The following ROCK1 variants were observed in gnomAD, a reference collection of about 807,000 sequenced individuals.
ROCK1 encodes the protein rho-associated protein kinase 1.
A neutral mutation model predicts 196.8 loss-of-function variants in ROCK1; 36 were observed. That is an observed-to-expected ratio of 0.18 (90% confidence interval 0.14 to 0.24). The LOEUF (loss-of-function observed/expected upper bound fraction) is 0.24. Ranked by LOEUF, ROCK1 falls within the 10% of genes least tolerant of loss-of-function variation. ROCK1 has a pLI of 1.00. For synonymous variants in ROCK1, 443 were observed against 515.9 expected, an observed-to-expected ratio of 0.86 and a Z score of 1.91; for missense variants, 920 against 1,562.0, an observed-to-expected ratio of 0.59 and a Z score of 6.93.
At chr18:20,991,574 G>A (rs1470594227) in intron 17 of ROCK1, among the ~76,000 whole-genome samples, 3 of 152,012 alleles carry the variant, frequency 2.0e-5, no homozygotes, top group South Asian at 2.1e-4. Flanking sequence ...TGCTAAGATC[G>A]GAAATGAATA....
intron 16 of ROCK1, among the ~76,000 whole-genome samples, chr18:20,996,970 A>C (rs1299379307): frequency 1.3e-5 from 2 of 152,228 alleles, no homozygotes; most frequent in Admixed American, 1.3e-4. Context: ...AAAAATAAGC[A>C]GCAAGAAATT....
chr18:21,082,728 CAAT>C (rs1194542824), intron 1 of ROCK1, among the ~76,000 whole-genome samples: 2 of 152,184 alleles, frequency 1.3e-5, no homozygotes, highest in Non-Finnish European at 2.9e-5. Context: ...ACATCATACT[CAAT>C]GATGAAAGAC....
Position 21,044,112 on chromosome 18 carries a change from T to C in ROCK1, c.665A>G (p.Lys222Arg). Residue 222 changes from lysine (K) to arginine (R), a missense_variant, in exon 6 of 33, where the codon AAG becomes AGG. Transcript: ENST00000399799. ...ATCTAGTTAATTAACCTTATTCATCTTCATACAAGTACCAAAATCTGCTAA... is the reference window on the plus strand; with the variant it reads ...ATCTAGTTAATTAACCTTATTCATCCTCATACAAGTACCAAAATCTGCTAA... ...LKLADFGTCM[K>R]MNKEGMVRCD... 1 of 1,601,760 alleles carries C rather than the reference T, an allele frequency of 6.2e-7. No individual in the cohort carries two copies. Among genetic ancestry groups the C allele is most frequent in the Non-Finnish European group, 8.5e-7 (1 of 1,170,858 alleles).
chr18:21,053,879 T>TGTAC (rs2036225247), intron 2 of ROCK1, among the ~76,000 whole-genome samples: 1 of 152,190 alleles, frequency 6.6e-6, no homozygotes, highest in Non-Finnish European at 1.5e-5. Context: ...TCTTCTTGCT[T>TGTAC]TGACACATGC....
intron 2 of ROCK1, among the ~76,000 whole-genome samples, chr18:21,056,434 T>A (rs2036245640): frequency 6.6e-6 from 1 of 152,186 alleles, no homozygotes; most frequent in South Asian, 2.1e-4. Context: ...CCTTTTTTTC[T>A]TACACTCCAC....
intron 10 of ROCK1, 56 bp from the exon 11 acceptor site, chr18:21,023,736 A>C: frequency 1.1e-6 from 1 of 913,748 alleles, no homozygotes; most frequent in Non-Finnish European, 1.7e-6. Flanking sequence ...GTAATATCCC[A>C]TGACAACCAA....
At chr18:21,057,290 A>G (rs2036252213) in intron 2 of ROCK1, among the ~76,000 whole-genome samples, 1 of 152,210 alleles carries the variant, frequency 6.6e-6, no homozygotes, top group Admixed American at 6.5e-5. Flanking sequence ...AAGAAATAAA[A>G]TGAGCAAATT....
intron 1 of ROCK1, among the ~76,000 whole-genome samples, chr18:21,079,250 T>C (rs1408296479): frequency 6.6e-6 from 1 of 152,178 alleles, no homozygotes; most frequent in African/African-American, 2.4e-5. Context: ...CACCTCTTCC[T>C]CACCTTCCTT....
intron 16 of ROCK1, 79 bp from the exon 17 acceptor site, chr18:20,993,016 A>G (rs1417882162): frequency 1.2e-6 from 1 of 847,290 alleles, no homozygotes; most frequent in East Asian, 2.6e-5. Flanking sequence ...TTAGTTTTTA[A>G]AAAATGTTTT....
intron 12 of ROCK1, among the ~76,000 whole-genome samples, chr18:21,017,158 C>T (rs1277660480): frequency 6.8e-6 from 1 of 147,010 alleles, no homozygotes; most frequent in African/African-American, 2.5e-5. Flanking sequence ...TAATTTTATT[C>T]TCTCCCCAAT....
chr18:21,040,465 T>C (rs1386762634), intron 8 of ROCK1, among the ~76,000 whole-genome samples: 1 of 152,212 alleles, frequency 6.6e-6, no homozygotes, highest in Admixed American at 6.5e-5. Context: ...TTTTTAAAAA[T>C]GTGATTTTAG....
chr18:21,031,766 A>T (rs1477872312), intron 9 of ROCK1, among the ~76,000 whole-genome samples: 1 of 152,112 alleles, frequency 6.6e-6, no homozygotes, highest in Non-Finnish European at 1.5e-5. Context: ...AACAAAGAAA[A>T]AATATCATGA....
chr18:20,989,498 T>C (rs909894252), intron 18 of ROCK1, among the ~76,000 whole-genome samples: 2 of 152,230 alleles, frequency 1.3e-5, no homozygotes, highest in African/African-American at 2.4e-5. Context: ...GAAGTTTGGA[T>C]ATTTTTTAAT....
intron 2 of ROCK1, among the ~76,000 whole-genome samples, chr18:21,051,592 G>A (rs2036204424): frequency 6.6e-6 from 1 of 152,318 alleles, no homozygotes; most frequent in Admixed American, 6.5e-5. Context: ...AGAGCCCCAG[G>A]TAAGTTCAGG....
Position 20,987,119 on chromosome 18 carries a change from G to C in ROCK1, c.2144-9C>G. On this transcript the variant is annotated splice_polypyrimidine_tract_variant and intron_variant, in intron 18 of 32. Transcript: ENST00000399799. ...CAGCTTTTTTTCCATCTCTGGGAAA[G>C]CAAAAAGTTACAAACATACATTTAA... is the stretch of plus-strand genomic sequence containing the variant. 6.2e-7 allele frequency: 1 copy of C among 1,608,360 alleles called. No individual in the cohort carries two copies. Among genetic ancestry groups the C allele is most frequent in the Non-Finnish European group, 8.5e-7 (1 of 1,178,584 alleles).
In ROCK1 at chr18:21,110,176, GAC is replaced by G. The variant is rs372796321; in HGVS notation, c.93+640_93+641del. Among the ~76,000 whole-genome samples, 9 of 152,202 alleles carry G rather than the reference GAC, an allele frequency of 5.9e-5. No individual in the cohort carries two copies. In the Middle Eastern group the frequency reaches 0.01, roughly 173 times the overall value. On this transcript the variant is annotated intron_variant, in intron 1 of 32. Coordinates refer to ENST00000399799, the MANE Select transcript of ROCK1 (RefSeq NM_005406.3). ...ATGTTAAGTGCCACACCACCAAAAAGACAGTTACAATAACTGTATGGTACGTA... is the reference window on the plus strand; with the variant it reads ...ATGTTAAGTGCCACACCACCAAAAAGAGTTACAATAACTGTATGGTACGTA...
chr18:21,043,725 T>TA (rs548171847), intron 6 of ROCK1, among the ~76,000 whole-genome samples: 108 of 151,862 alleles, frequency 7.1e-4, no homozygotes, highest in African/African-American at 2.5e-3. Flanking sequence ...AGTAAAACAC[T>TA]AAAAAATACA....
At position 21,006,421 on chromosome 18, in the gene ROCK1, C is replaced by G. The variant is rs2035769384; in HGVS notation, c.1815G>C (p.Gln605His). Residue 605 changes from glutamine (Q) to histidine (H), a missense_variant, in exon 16 of 33, where the codon CAG (glutamine) becomes CAC (histidine). Transcript: ENST00000399799. ...SKSQTDKDYY[Q>H]LQAILEAERR... Reference sequence around the variant, plus strand: ...GTTCAGCTTCTAATATAGCTTGCAGCTGGTAATAATCTTTGTCTGTTTGTG... The same window carrying G: ...GTTCAGCTTCTAATATAGCTTGCAGGTGGTAATAATCTTTGTCTGTTTGTG... 8.1e-6 allele frequency: 13 copies of G among 1,613,592 alleles called. No individual in the cohort carries two copies. In the East Asian group the frequency reaches 2.9e-4, roughly 36 times the overall value.
At chr18:20,955,547 T>C in intron 29 of ROCK1, 1 of 230,496 alleles carries the variant, frequency 4.3e-6, no homozygotes, top group Non-Finnish European at 8.5e-6. Flanking sequence ...GGCAATTTCT[T>C]AGAAAACTAA....
Sources: gnomAD v4.1 joint callset for allele counts (sites outside exome capture counted in the v4.1 genomes callset) on GRCh38, gnomAD v4.1.1 for gene constraint, MANE v1.5 for transcripts, NCBI Gene and HGNC (gene_info 2026-07-23, HGNC 2026-07-21) for gene names.